NBAS: variants seen among roughly 807,000 people sequenced by gnomAD.
NBAS encodes the protein NAG/BC035112 fusion.
In NBAS, 219 loss-of-function variants were observed where a neutral mutation model predicts 302.5. The ratio of observed to expected loss-of-function variants is 0.72; its 90% CI spans 0.65 to 0.81. NBAS has a LOEUF of 0.81. NBAS is among the 30% of genes least tolerant of loss of function. NBAS has a pLI of 0.00. For synonymous variants in NBAS, 1,118 were observed against 1,021.6 expected (o/e 1.09, Z -1.80); for missense variants, 2,932 against 2,841.6 (o/e 1.03, Z -0.72).
intron 44 of NBAS, among the ~76,000 whole-genome samples, chr2:15,243,529 A>G (rs1403802194): frequency 6.6e-6 from 1 of 152,026 alleles, no homozygotes; most frequent in African/African-American, 2.4e-5. Context: ...CACAACAGGT[A>G]CCAAGAGGGA....
the NBAS span, among the ~76,000 whole-genome samples, chr2:15,112,361 G>T: frequency 2.0e-5 from 3 of 151,920 alleles, no homozygotes; most frequent in Non-Finnish European, 4.4e-5. Context: ...AAACATAAAG[G>T]ATTGTGAAAA....
intron 21 of NBAS, among the ~76,000 whole-genome samples, chr2:15,459,643 C>A (rs528537580): frequency 2.0e-5 from 3 of 151,980 alleles, no homozygotes; most frequent in Non-Finnish European, 4.4e-5. Flanking sequence ...CCACGCCCAG[C>A]TAATTTTTTA....
At chr2:14,900,589 C>G in the NBAS span, among the ~76,000 whole-genome samples, 2 of 152,140 alleles carry the variant, frequency 1.3e-5, no homozygotes, top group Admixed American at 6.5e-5. Flanking sequence ...TCTATATCAC[C>G]CAATAAGTTC....
intron 48 of NBAS, among the ~76,000 whole-genome samples, chr2:15,217,575 T>C (rs1256489951): frequency 6.6e-6 from 1 of 152,206 alleles, no homozygotes; most frequent in Non-Finnish European, 1.5e-5. Context: ...TCTTTTGCAA[T>C]GGGGATTATC....
At chr2:14,866,296 C>T in the NBAS span, among the ~76,000 whole-genome samples, 1 of 152,142 alleles carries the variant, frequency 6.6e-6, no homozygotes, top group African/African-American at 2.4e-5. Context: ...AGAAGGCTGA[C>T]TCTAGATAAA....
intron 43 of NBAS, 53 bp downstream of exon 43, chr2:15,276,798 T>A: frequency 1.2e-6 from 2 of 1,612,622 alleles, no homozygotes; most frequent in Non-Finnish European, 1.7e-6. Flanking sequence ...AGAAAATTAA[T>A]CCCCAGATTT....
the NBAS span, among the ~76,000 whole-genome samples, chr2:15,126,957 G>A: frequency 6.6e-6 from 1 of 152,172 alleles, no homozygotes; most frequent in Non-Finnish European, 1.5e-5. Flanking sequence ...ACAAAACTGA[G>A]AATTGACTGA....
the NBAS span, among the ~76,000 whole-genome samples, chr2:14,921,039 A>T: frequency 2.1e-4 from 32 of 152,118 alleles, no homozygotes; most frequent in African/African-American, 6.5e-4. Context: ...TGCCTTTCTC[A>T]CTAAGCTTAA....
chr2:14,833,924 A>T, the NBAS span, among the ~76,000 whole-genome samples: 1 of 152,154 alleles, frequency 6.6e-6, no homozygotes, highest in Non-Finnish European at 1.5e-5. Context: ...GAATCCACAT[A>T]TATGAAGGAC....
At chr2:15,313,488 C>T (rs1401751623) in intron 38 of NBAS, among the ~76,000 whole-genome samples, 3 of 152,280 alleles carry the variant, frequency 2.0e-5, no homozygotes, top group East Asian at 3.9e-4. Context: ...AAAATAAAAT[C>T]GATGTCTTTC....
chr2:15,273,733 T>C (rs1669436526), intron 44 of NBAS, among the ~76,000 whole-genome samples: 1 of 152,152 alleles, frequency 6.6e-6, no homozygotes, highest in Non-Finnish European at 1.5e-5. Context: ...CAGGTTTATA[T>C]GTCTCCAAAC....
At chr2:15,188,332 A>G (rs1032166810) in intron 49 of NBAS, among the ~76,000 whole-genome samples, 6 of 152,228 alleles carry the variant, frequency 3.9e-5, no homozygotes, top group African/African-American at 1.4e-4. Flanking sequence ...GCAACATACC[A>G]TCATTGTCAC....
intron 40 of NBAS, among the ~76,000 whole-genome samples, chr2:15,304,414 A>G (rs891007946): frequency 6.6e-6 from 1 of 152,214 alleles, no homozygotes; most frequent in South Asian, 2.1e-4. Flanking sequence ...CAGCAGTATA[A>G]AAACAGACTA....
intron 26 of NBAS, among the ~76,000 whole-genome samples, chr2:15,400,552 A>G (rs6729018): frequency 0.62 from 94,081 of 151,926 alleles, 29,928 homozygotes; most frequent in Middle Eastern, 0.68. Context: ...CACGAGCATA[A>G]CATTTTAAAG....
chr2:15,476,595 C>T (rs1254848567), intron 13 of NBAS, among the ~76,000 whole-genome samples: 1 of 152,006 alleles, frequency 6.6e-6, no homozygotes, highest in Non-Finnish European at 1.5e-5. Context: ...GTGGTGCGTG[C>T]CTGTAGTTCC....
the NBAS span, among the ~76,000 whole-genome samples, chr2:15,096,011 G>C: frequency 2.9e-3 from 435 of 152,272 alleles, 3 homozygotes; most frequent in African/African-American, 1.0e-2. Context: ...AGCTCCCTTC[G>C]GGAACTCCTC....
At chr2:15,182,264 G>A (rs1664862689) in intron 50 of NBAS, among the ~76,000 whole-genome samples, 1 of 152,222 alleles carries the variant, frequency 6.6e-6, no homozygotes, top group African/African-American at 2.4e-5. Context: ...TGAACATCAA[G>A]TGTTTGTTAT....
At chr2:14,928,689 A>T in the NBAS span, among the ~76,000 whole-genome samples, 1 of 151,970 alleles carries the variant, frequency 6.6e-6, no homozygotes, top group Non-Finnish European at 1.5e-5. Flanking sequence ...CATGTATTTC[A>T]CTATGACGTT....
the NBAS span, among the ~76,000 whole-genome samples, chr2:15,028,523 T>C: frequency 1.3e-5 from 2 of 152,232 alleles, no homozygotes; most frequent in Non-Finnish European, 2.9e-5. Flanking sequence ...TTAAAACTTT[T>C]GAACAATTTT....
Sources: gnomAD v4.1 joint callset for allele counts (sites outside exome capture counted in the v4.1 genomes callset) on GRCh38, gnomAD v4.1.1 for gene constraint, MANE v1.5 for transcripts, NCBI Gene and HGNC (gene_info 2026-07-23, HGNC 2026-07-21) for gene names.